The following POC1A variants were observed in gnomAD, a reference collection of about 807,000 sequenced individuals.
POC1A encodes POC1 centriolar protein A.
Under a neutral mutation model 47.8 loss-of-function variants are expected in POC1A, and 34 were observed. The observed-to-expected ratio is 0.71, with a 90% CI of 0.54 to 0.95. POC1A has a LOEUF of 0.95. Among genes scored for constraint, POC1A ranks in the 40% least tolerant of loss-of-function variants. The pLI is 0.00. For synonymous variants in POC1A, 177 were observed against 207.6 expected (o/e 0.85, Z 1.27); for missense variants, 466 against 528.3 (o/e 0.88, Z 1.16).
intron 9 of POC1A, among the ~76,000 whole-genome samples, chr3:52,098,773 C>G (rs1306041448): frequency 6.6e-6 from 1 of 152,220 alleles, no homozygotes; most frequent in Non-Finnish European, 1.5e-5. Context: ...ACCAGTCCAG[C>G]AATCGCCATG....
chr3:52,108,136 C>T (rs571960544), intron 9 of POC1A, among the ~76,000 whole-genome samples: 3 of 152,352 alleles, frequency 2.0e-5, no homozygotes, highest in Admixed American at 6.5e-5. Context: ...TGCACAGTAA[C>T]ACAGGGTTCA....
chr3:52,112,614 C>T (rs989279921), intron 9 of POC1A, among the ~76,000 whole-genome samples: 1 of 152,138 alleles, frequency 6.6e-6, no homozygotes, highest in Admixed American at 6.5e-5. Flanking sequence ...TGCACTCCAG[C>T]CTGGGTGACA....
intron 10 of POC1A, among the ~76,000 whole-genome samples, chr3:52,089,044 C>T (rs1385956484): frequency 6.6e-6 from 1 of 151,932 alleles, no homozygotes; most frequent in Middle Eastern, 3.4e-3. Context: ...TCTGCCACAA[C>T]CACAGACGGG....
chr3:52,105,969 C>T lies in POC1A; in HGVS notation c.982-9257G>A, dbSNP rs191838630. Among the ~76,000 whole-genome samples the T allele has an allele frequency of 7.2e-3, 1,093 of 151,836 alleles. 16 individuals carry two copies. The highest frequency in any genetic ancestry group is 0.025 in the African/African-American group (1,029 of 41,402). On this transcript the variant is annotated intron_variant, in intron 9 of 10. Transcript: ENST00000296484. ...CAGCACTTTGGGAGGCTGAGGCGGG[C>T]GGATCACGAGGTCAGGAGATCGAGA...
intron 9 of POC1A, among the ~76,000 whole-genome samples, chr3:52,119,066 A>C (rs1238676725): frequency 6.6e-6 from 1 of 151,530 alleles, no homozygotes; most frequent in African/African-American, 2.4e-5. Flanking sequence ...AGATTCCTAC[A>C]AAATGACTTC....
intron 9 of POC1A, among the ~76,000 whole-genome samples, chr3:52,120,329 C>T (rs980901923): frequency 1.3e-5 from 2 of 152,154 alleles, no homozygotes; most frequent in African/African-American, 2.4e-5. Context: ...TGGGAGTCCT[C>T]AGATTAGAGA....
At chr3:52,082,016 C>T (rs1211092328) in intron 10 of POC1A, among the ~76,000 whole-genome samples, 2 of 151,978 alleles carry the variant, frequency 1.3e-5, no homozygotes, top group South Asian at 2.1e-4. Context: ...AGAAGACGGG[C>T]TCCAGATTAC....
chr3:52,142,934 G>C (rs187602205), intron 6 of POC1A, among the ~76,000 whole-genome samples: 3 of 152,196 alleles, frequency 2.0e-5, no homozygotes, highest in African/African-American at 4.8e-5. Flanking sequence ...GAGGATGAGA[G>C]GTATGTTCCC....
intron 6 of POC1A, 80 bp downstream of exon 6, chr3:52,145,763 GCAC>G (rs1698340957): frequency 1.2e-6 from 1 of 856,590 alleles, no homozygotes; most frequent in Non-Finnish European, 1.9e-6. Context: ...ACCCATTTAA[GCAC>G]TACAGCACAG....
intron 7 of POC1A, among the ~76,000 whole-genome samples, chr3:52,133,416 C>T (rs1704311028): frequency 6.6e-6 from 1 of 152,192 alleles, no homozygotes; most frequent in Non-Finnish European, 1.5e-5. Context: ...AAGATAACCC[C>T]TTACTCTCAC....
intron 9 of POC1A, among the ~76,000 whole-genome samples, chr3:52,101,584 T>C (rs1026099365): frequency 1.3e-5 from 2 of 152,108 alleles, no homozygotes; most frequent in African/African-American, 2.4e-5. Flanking sequence ...AAGAGTCAAA[T>C]GGAAACAACA....
intron 10 of POC1A, among the ~76,000 whole-genome samples, chr3:52,093,460 CT>C (rs1024168314): frequency 2.6e-4 from 40 of 152,344 alleles, no homozygotes; most frequent in African/African-American, 9.4e-4. Flanking sequence ...GCAGATCCCC[CT>C]GGCCCCCAAG....
At chr3:52,128,586 C>G (rs959037728) in intron 7 of POC1A, among the ~76,000 whole-genome samples, 2 of 152,204 alleles carry the variant, frequency 1.3e-5, no homozygotes, top group African/African-American at 4.8e-5. Context: ...CACCTGGGCT[C>G]TGCTGTGGGC....
At chr3:52,126,189 C>T (rs1433104823) in intron 7 of POC1A, among the ~76,000 whole-genome samples, 1 of 152,266 alleles carries the variant, frequency 6.6e-6, no homozygotes, top group Non-Finnish European at 1.5e-5. Context: ...AGAGCCCCAA[C>T]TGCCCATGAG....
chr3:52,118,921 C>T (rs1703668044), intron 9 of POC1A, among the ~76,000 whole-genome samples: 1 of 152,114 alleles, frequency 6.6e-6, no homozygotes, highest in Non-Finnish European at 1.5e-5. Flanking sequence ...TCTCCCAGAG[C>T]CAGGAAAACC....
intron 4 of POC1A, 56 bp from the exon 5 acceptor site, chr3:52,147,151 C>T (rs1263119409): frequency 1.5e-6 from 2 of 1,339,862 alleles, no homozygotes; most frequent in African/African-American, 2.9e-5. Flanking sequence ...ATGGGCACCA[C>T]ACACCTTCTT....
At chr3:52,081,509 G>C (rs1293893004) in intron 10 of POC1A, among the ~76,000 whole-genome samples, 1 of 152,184 alleles carries the variant, frequency 6.6e-6, no homozygotes, top group Non-Finnish European at 1.5e-5. Flanking sequence ...GGGACGGAGG[G>C]GCAAGAGGGG....
At chr3:52,147,549 T>C (rs1231305688) in intron 4 of POC1A, among the ~76,000 whole-genome samples, 1 of 152,060 alleles carries the variant, frequency 6.6e-6, no homozygotes, top group Non-Finnish European at 1.5e-5. Flanking sequence ...TCCTCCCACC[T>C]AAGCCTCCTG....
At chr3:52,116,832 C>T (rs1226153762) in intron 9 of POC1A, among the ~76,000 whole-genome samples, 2 of 152,088 alleles carry the variant, frequency 1.3e-5, no homozygotes, top group African/African-American at 4.8e-5. Flanking sequence ...AGGAGAACTG[C>T]TTGAGCCCAG....
Sources: gnomAD v4.1 joint callset for allele counts (sites outside exome capture counted in the v4.1 genomes callset) on GRCh38, gnomAD v4.1.1 for gene constraint, MANE v1.5 for transcripts, NCBI Gene and HGNC (gene_info 2026-07-23, HGNC 2026-07-21) for gene names.